The following ADGRD1 variants were observed in gnomAD, a reference collection of about 807,000 sequenced individuals.
ADGRD1 encodes the protein adhesion G protein-coupled receptor D1, also known as G-protein coupled receptor 133.
A neutral mutation model predicts 113.4 loss-of-function variants in ADGRD1; 77 were observed. The observed-to-expected ratio is 0.68, with a 90% confidence interval of 0.57 to 0.82. The LOEUF (loss-of-function observed/expected upper bound fraction) is 0.82, where lower values mean the gene tolerates loss of function less well. Ranked by LOEUF, ADGRD1 falls within the 40% of genes least tolerant of loss-of-function variation. ADGRD1 has a pLI of 0.00. For missense variants in ADGRD1, 1,036 were observed against 1,139.1 expected (o/e 0.91, Z 1.30); for synonymous variants, 474 against 475.0 (o/e 1.00, Z 0.03).
chr12:131,052,491 G>A (rs1883495038), intron 13 of ADGRD1, among the ~76,000 whole-genome samples: 1 of 152,218 alleles, frequency 6.6e-6, no homozygotes, highest in Non-Finnish European at 1.5e-5. Flanking sequence ...ATTCACTGAG[G>A]AATTAAAAGG....
At position 130,984,967 on chromosome 12, in the gene ADGRD1, A is replaced by G. The variant is rs1266185482; in HGVS notation, c.491-2128A>G. Among the ~76,000 whole-genome samples the G allele has an allele frequency of 2.0e-5, 3 of 149,254 alleles. No homozygotes were observed. The highest frequency in any genetic ancestry group is 6.7e-5 in the Admixed American group (1 of 14,908). Reference sequence around the variant, plus strand: ...TTTCTTTCTTTTTCTTTCTGACAGGATCTGTCATCCAGGCTGGAGTACAGT... The same window carrying G: ...TTTCTTTCTTTTTCTTTCTGACAGGGTCTGTCATCCAGGCTGGAGTACAGT... On this transcript the variant is annotated intron_variant, in intron 5 of 24. Transcript: ENST00000261654. The surrounding 1 kb of genome is among the most constrained non-coding windows in gnomAD (Gnocchi z 4.1).
At chr12:131,046,440 CT>C (rs1882791703) in intron 13 of ADGRD1, among the ~76,000 whole-genome samples, 3 of 91,990 alleles carry the variant, frequency 3.3e-5, no homozygotes, top group African/African-American at 5.0e-5. Flanking sequence ...GGTCAGTGTC[CT>C]CTCTCCCTGG....
At chr12:131,021,567 G>A (rs1447555224) in intron 13 of ADGRD1, among the ~76,000 whole-genome samples, 4 of 152,098 alleles carry the variant, frequency 2.6e-5, no homozygotes, top group East Asian at 1.9e-4. Context: ...TTATTTTCTT[G>A]TTGTTCTAGG....
intron 12 of ADGRD1, among the ~76,000 whole-genome samples, chr12:131,007,774 C>G (rs1877329252): frequency 6.6e-6 from 1 of 152,254 alleles, no homozygotes; most frequent in African/African-American, 2.4e-5. Flanking sequence ...GCAGAACTGG[C>G]TGTGCAGCGA....
chr12:130,958,541 C>G, intron 2 of ADGRD1, among the ~76,000 whole-genome samples: 1 of 152,106 alleles, frequency 6.6e-6, no homozygotes, highest in Non-Finnish European at 1.5e-5. Context: ...ATCTCAGGCT[C>G]TGCTCACCTC....
intron 13 of ADGRD1, among the ~76,000 whole-genome samples, chr12:131,062,301 ATTTG>A (rs966521723): frequency 1.3e-4 from 20 of 152,110 alleles, no homozygotes; most frequent in African/African-American, 4.6e-4. Context: ...CCAAACCACA[ATTTG>A]TTTGACCATT....
rs1266310828 is a variant in ADGRD1, at chr12:131,120,931, G to A, written c.2175+18G>A. The A allele has an allele frequency of 2.5e-6, 4 of 1,612,254 alleles. No individual in the cohort carries two copies. Among genetic ancestry groups the A allele is most frequent in the Admixed American group, 1.7e-5 (1 of 59,964 alleles). ...TCATCGTGGTACGTTTCCTACCCTTGTGGGCGCAGAGCGGGGCTGGGGAGG... is the reference window on the plus strand; with the variant it reads ...TCATCGTGGTACGTTTCCTACCCTTATGGGCGCAGAGCGGGGCTGGGGAGG... On this transcript the variant is annotated intron_variant, in intron 20 of 24. Transcript: ENST00000261654.
In ADGRD1 at chr12:131,041,764, C is replaced by T. The variant is rs1458163643; in HGVS notation, c.1473+27424C>T. Among the ~76,000 whole-genome samples, 3 of 152,190 alleles carry T rather than the reference C, an allele frequency of 2.0e-5. No individual in the cohort carries two copies. The highest frequency in any genetic ancestry group is 2.1e-4 in the South Asian group (1 of 4,826). On this transcript the variant is annotated intron_variant, in intron 13 of 24. Coordinates refer to ENST00000261654, the MANE Select transcript of ADGRD1 (RefSeq NM_198827.5). The surrounding 1 kb of genome is among the most constrained non-coding windows in gnomAD (Gnocchi z 4.4). ...GTTGCCGCAGCCTCCCCCTGCCTGG[C>T]GCCTCTGCCTGCACCCGCCTGGGAA...
intron 15 of ADGRD1, among the ~76,000 whole-genome samples, chr12:131,094,817 C>T (rs918709282): frequency 6.6e-6 from 1 of 152,216 alleles, no homozygotes; most frequent in Non-Finnish European, 1.5e-5. Flanking sequence ...CACGGGTGCA[C>T]GCTGTTCCCG....
chr12:131,070,813 T>C (rs1423737955), intron 13 of ADGRD1: 1 of 519,036 alleles, frequency 1.9e-6, no homozygotes, highest in South Asian at 1.4e-5. Flanking sequence ...TCAGGCTGTG[T>C]CCTTATAGGT....
chr12:130,989,594 G>C (rs562731233), intron 6 of ADGRD1: 1 of 152,296 alleles, frequency 6.6e-6, no homozygotes, highest in Non-Finnish European at 1.5e-5. Flanking sequence ...GCCGGGCCTC[G>C]GTGGGGACAT....
intron 18 of ADGRD1, among the ~76,000 whole-genome samples, chr12:131,116,619 T>A (rs1950470288): frequency 6.8e-6 from 1 of 147,004 alleles, no homozygotes; most frequent in Admixed American, 6.6e-5. Flanking sequence ...CCTGTGTGAC[T>A]TCAGCTACGG....
chr12:131,126,284 C>T (rs1003491227), intron 20 of ADGRD1, among the ~76,000 whole-genome samples: 6 of 152,282 alleles, frequency 3.9e-5, no homozygotes, highest in African/African-American at 1.2e-4. Context: ...GCCCCCTTCT[C>T]TCTCTCTGTG....
intron 13 of ADGRD1, among the ~76,000 whole-genome samples, chr12:131,032,120 C>T (rs1337098948): frequency 1.3e-5 from 2 of 152,192 alleles, no homozygotes; most frequent in African/African-American, 2.4e-5. Context: ...CTCCAAGTGT[C>T]AGGCACCAGC....
chr12:131,107,980 T>C (rs952280877), intron 17 of ADGRD1, among the ~76,000 whole-genome samples: 22 of 152,106 alleles, frequency 1.4e-4, no homozygotes, highest in African/African-American at 5.3e-4. Flanking sequence ...GCCCTGGCTG[T>C]TCCCAGCACC....
intron 2 of ADGRD1, among the ~76,000 whole-genome samples, chr12:130,964,334 C>T (rs956311352): frequency 1.3e-5 from 2 of 151,880 alleles, no homozygotes; most frequent in African/African-American, 4.8e-5. Context: ...TAATTTTTTC[C>T]ATGTGGTGAA....
chr12:130,991,086 G>C lies in ADGRD1; in HGVS notation c.810+8G>C. 2 of 1,612,488 alleles carry C rather than the reference G, an allele frequency of 1.2e-6. No individual in the cohort carries two copies. The highest frequency in any genetic ancestry group is 1.7e-6 in the Non-Finnish European group (2 of 1,178,552). On this transcript the variant is annotated splice_region_variant and intron_variant, in intron 7 of 24. Coordinates refer to ENST00000261654, the MANE Select transcript of ADGRD1 (RefSeq NM_198827.5). ...TCCACAGCAAGCCCCGTGGTGAGCA[G>C]ACACATCTTCCTTGGTCCCCCTTGC...
intron 13 of ADGRD1, among the ~76,000 whole-genome samples, chr12:131,072,226 A>G (rs1479867628): frequency 6.6e-6 from 1 of 152,130 alleles, no homozygotes; most frequent in African/African-American, 2.4e-5. Context: ...CAGAGGAGAC[A>G]GGGACTTGGG....
Position 130,971,548 on chromosome 12 carries a change from G to C in ADGRD1, c.278G>C (p.Cys93Ser). 6.2e-7 allele frequency: 1 copy of C among 1,613,068 alleles called. No individual in the cohort carries two copies. The highest frequency in any genetic ancestry group is 8.5e-7 in the Non-Finnish European group (1 of 1,179,476). ...TATTACGGCAGGTACAACAGCTCCT[G>C]CATCAGCAAGCCAGAGCAGTGTGGC... is the stretch of plus-strand genomic sequence containing the variant. ...LLYYGRYNSS[C>S]ISKPEQCGPE... The change falls in exon 4 of 25, where the codon TGC becomes TCC. Residue 93 changes from cysteine to serine, a missense_variant. Coordinates refer to ENST00000261654, the MANE Select transcript of ADGRD1 (RefSeq NM_198827.5). This position sits in a 1 kb window ranked among gnomAD's most constrained non-coding sequence, Gnocchi z 4.2.
Sources: gnomAD v4.1 joint callset for allele counts (sites outside exome capture counted in the v4.1 genomes callset) on GRCh38, gnomAD v4.1.1 for gene constraint, Gnocchi (gnomAD v3.1) non-coding constraint, MANE v1.5 for transcripts, NCBI Gene and HGNC (gene_info 2026-07-23, HGNC 2026-07-21) for gene names.